The following PODXL2 variants were observed in gnomAD, a reference collection of about 807,000 sequenced individuals.
PODXL2 encodes podocalyxin-like protein 2.
In PODXL2, 17 loss-of-function variants were observed where a neutral mutation model predicts 53.4. That is an observed-to-expected ratio of 0.32 (90% CI 0.22 to 0.48). The LOEUF is 0.48. PODXL2 is among the 20% of genes least tolerant of loss of function. The pLI is 0.99. For missense variants in PODXL2, 673 were observed against 760.0 expected, an observed-to-expected ratio of 0.89 and a Z score of 1.35; for synonymous variants, 311 against 306.7, an observed-to-expected ratio of 1.01 and a Z score of -0.15.
intron 4 of PODXL2, among the ~76,000 whole-genome samples, chr3:127,667,226 C>T (rs2074799180): frequency 6.6e-6 from 1 of 152,270 alleles, no homozygotes; most frequent in South Asian, 2.1e-4. Context: ...GCATTTCAAT[C>T]CCTCTGGTAG....
chr3:127,632,816 C>G (rs548722626), intron 1 of PODXL2, among the ~76,000 whole-genome samples: 40 of 152,346 alleles, frequency 2.6e-4, no homozygotes, highest in African/African-American at 9.4e-4. Context: ...GCCTAACACA[C>G]TGTTTGGCAC....
At chr3:127,661,243 A>G in intron 3 of PODXL2, 84 bp downstream of exon 3, 3 of 1,030,888 alleles carry the variant, frequency 2.9e-6, no homozygotes, top group Admixed American at 4.6e-5. Flanking sequence ...GCATGGGGGC[A>G]GGATCTGCCA....
intron 1 of PODXL2, among the ~76,000 whole-genome samples, chr3:127,638,907 C>T (rs2074595807): frequency 6.6e-6 from 1 of 152,114 alleles, no homozygotes; most frequent in African/African-American, 2.4e-5. Flanking sequence ...TTTGTAGCTC[C>T]AACACCCAGT....
intron 2 of PODXL2, 105 bp from the exon 3 acceptor site, chr3:127,660,273 G>C: frequency 6.9e-7 from 1 of 1,451,974 alleles, no homozygotes; most frequent in South Asian, 1.4e-5. Flanking sequence ...GATGACCCCT[G>C]CCCTGTCAGT....
At chr3:127,652,334 C>G (rs192476038) in intron 2 of PODXL2, among the ~76,000 whole-genome samples, 1 of 152,266 alleles carries the variant, frequency 6.6e-6, no homozygotes, top group Admixed American at 6.5e-5. Context: ...CATGTGGTTT[C>G]TGTTTAGAGC....
Position 127,639,393 on chromosome 3 carries a change from G to T in PODXL2, c.219G>T (p.Gly73=). Residue 73 remains glycine (G), a synonymous_variant, in exon 2 of 8, where the codon GGG becomes GGT. Transcript: ENST00000342480. Reference sequence around the variant, plus strand: ...GTGAGACCATGGGCCTGGGAGCTGGGCTGGGAGCCCCTGGCTCAGGCTTCC... The same window carrying T: ...GTGAGACCATGGGCCTGGGAGCTGGTCTGGGAGCCCCTGGCTCAGGCTTCC... ...EPSETMGLGA[G]LGAPGSGFPS... is the part of the protein sequence containing the mutation. The T allele has an allele frequency of 6.2e-7, 1 of 1,614,238 alleles. No individual in the cohort carries two copies. The highest frequency in any genetic ancestry group is 8.5e-7 in the Non-Finnish European group (1 of 1,180,020).
intron 1 of PODXL2, among the ~76,000 whole-genome samples, chr3:127,631,193 GACACTTA>G (rs1469532332): frequency 1.3e-5 from 2 of 152,200 alleles, no homozygotes; most frequent in Non-Finnish European, 2.9e-5. Context: ...TGTTGTCGCT[GACACTTA>G]AGGGTGAGGA....
intron 2 of PODXL2, among the ~76,000 whole-genome samples, chr3:127,642,577 G>A (rs930398735): frequency 3.3e-5 from 5 of 151,586 alleles, no homozygotes; most frequent in East Asian, 1.9e-4. Flanking sequence ...TATGGGAGGA[G>A]ACGAAGAGAA....
intron 2 of PODXL2, among the ~76,000 whole-genome samples, chr3:127,657,214 A>G (rs1193273011): frequency 6.6e-6 from 1 of 152,122 alleles, no homozygotes; most frequent in East Asian, 1.9e-4. Context: ...GGAGATGTTG[A>G]TGCTCTCTCT....
At position 127,659,908 on chromosome 3, in the gene PODXL2, C is replaced by G. The variant is rs567027198; in HGVS notation, c.350-470C>G. ...GGTCATAATTGAGGGGTCTCACTTCCTCCAGTGATGAGAGGGCTCTCAGAC... is the reference window on the plus strand; with the variant it reads ...GGTCATAATTGAGGGGTCTCACTTCGTCCAGTGATGAGAGGGCTCTCAGAC... On this transcript the variant is annotated intron_variant, in intron 2 of 7. Coordinates refer to ENST00000342480, the MANE Select transcript of PODXL2 (RefSeq NM_015720.4). Among the ~76,000 whole-genome samples, 5 of 152,288 alleles carry G rather than the reference C, an allele frequency of 3.3e-5. No homozygotes were observed. In the South Asian group the frequency reaches 1.0e-3, roughly 32 times the overall value.
At chr3:127,666,097 C>T (rs2074793774) in intron 4 of PODXL2, 1 of 222,146 alleles carries the variant, frequency 4.5e-6, no homozygotes, top group Non-Finnish European at 9.5e-6. Flanking sequence ...AGTACAAATT[C>T]AGTATTTCCA....
At chr3:127,656,770 G>T (rs928363667) in intron 2 of PODXL2, among the ~76,000 whole-genome samples, 13 of 146,696 alleles carry the variant, frequency 8.9e-5, no homozygotes, top group Non-Finnish European at 1.8e-4. Context: ...ATAGCTAGGT[G>T]TGGTGGTGTG....
chr3:127,648,787 CTTTTTTTTTTTT>C (rs988325770), intron 2 of PODXL2, among the ~76,000 whole-genome samples: 7 of 97,854 alleles, frequency 7.2e-5, no homozygotes, highest in Admixed American at 1.1e-4. Context: ...TTTTGTATTT[CTTTTTTTTTTTT>C]TTTTTTTTTT....
intron 2 of PODXL2, among the ~76,000 whole-genome samples, chr3:127,650,925 C>G (rs2074684704): frequency 6.6e-6 from 1 of 152,152 alleles, no homozygotes; most frequent in Non-Finnish European, 1.5e-5. Context: ...TCCCAAAGTG[C>G]TGGGATTACA....
chr3:127,663,010 T>A (rs1349042521), intron 4 of PODXL2, among the ~76,000 whole-genome samples: 1 of 152,228 alleles, frequency 6.6e-6, no homozygotes, highest in Non-Finnish European at 1.5e-5. Context: ...TCTTCCTGTT[T>A]GCAGAGTGAC....
At chr3:127,643,548 T>C (rs951713510) in intron 2 of PODXL2, among the ~76,000 whole-genome samples, 1 of 152,166 alleles carries the variant, frequency 6.6e-6, no homozygotes, top group African/African-American at 2.4e-5. Context: ...TGTTTTTCTT[T>C]ACTTTATGAT....
chr3:127,668,664 C>T lies in PODXL2; in HGVS notation c.1363+67C>T, dbSNP rs115219495. The T allele has an allele frequency of 1.1e-3, 1,558 of 1,394,614 alleles. 2 individuals carry two copies. Among genetic ancestry groups the T allele is most frequent in the Non-Finnish European group, 1.2e-3 (1,319 of 1,062,404 alleles). 86.4% of individuals were successfully genotyped at this position (1,394,614 alleles called of 1,614,324 possible). On this transcript the variant is annotated intron_variant, in intron 5 of 7. Coordinates refer to ENST00000342480, the MANE Select transcript of PODXL2 (RefSeq NM_015720.4). The stretch of plus-strand genomic sequence containing the variant: ...GGAGGCGGGCGGCCCCTGAGGGTCA[C>T]GGGAAAAAAGTGCACGCATAAGGGC...
intron 4 of PODXL2, among the ~76,000 whole-genome samples, chr3:127,664,216 C>T (rs146515327): frequency 1.3e-5 from 2 of 152,152 alleles, no homozygotes; most frequent in African/African-American, 4.8e-5. Flanking sequence ...TGGGACTACT[C>T]TGGATACCTA....
At chr3:127,659,674 C>T (rs1490851769) in intron 2 of PODXL2, among the ~76,000 whole-genome samples, 1 of 152,212 alleles carries the variant, frequency 6.6e-6, no homozygotes, top group Non-Finnish European at 1.5e-5. Flanking sequence ...TCCAGGAAGT[C>T]TCCTAACTTC....
Sources: gnomAD v4.1 joint callset for allele counts (sites outside exome capture counted in the v4.1 genomes callset) on GRCh38, gnomAD v4.1.1 for gene constraint, MANE v1.5 for transcripts, NCBI Gene and HGNC (gene_info 2026-07-23, HGNC 2026-07-21) for gene names.